WDR49: variants seen among roughly 807,000 people sequenced by gnomAD.
The protein encoded by WDR49 is WD repeat domain 49.
A neutral mutation model predicts 119.5 loss-of-function variants in WDR49; 107 were observed. The ratio of observed to expected loss-of-function variants is 0.90; its 90% CI spans 0.77 to 1.05. The LOEUF (loss-of-function observed/expected upper bound fraction) is 1.05, where lower values mean the gene tolerates loss of function less well. Ranked by LOEUF, WDR49 falls within the 50% of genes least tolerant of loss-of-function variation. WDR49 has a pLI of 0.00. For synonymous variants in WDR49, 425 were observed against 418.8 expected (o/e 1.01, Z -0.18); for missense variants, 1,240 against 1,220.5 (o/e 1.02, Z -0.24).
chr3:167,479,751 A>G (rs1750627883), intron 18 of WDR49, among the ~76,000 whole-genome samples: 1 of 152,206 alleles, frequency 6.6e-6, no homozygotes, highest in Admixed American at 6.5e-5. Flanking sequence ...ACTGTGTATA[A>G]ACATGTAAAA....
chr3:167,545,190 A>G (rs1234638807), intron 10 of WDR49, among the ~76,000 whole-genome samples: 1 of 151,700 alleles, frequency 6.6e-6, no homozygotes, highest in African/African-American at 2.4e-5. Context: ...CAAAAAGCAA[A>G]ATATAATACA....
At chr3:167,636,357 G>GTA (rs112759418) in intron 2 of WDR49, among the ~76,000 whole-genome samples, 1,999 of 150,954 alleles carry the variant, frequency 0.013, 44 homozygotes, top group East Asian at 0.097. Flanking sequence ...GTATATACAT[G>GTA]TATATATATA....
At chr3:167,619,352 T>G (rs1432199201) in intron 5 of WDR49, among the ~76,000 whole-genome samples, 4 of 152,152 alleles carry the variant, frequency 2.6e-5, no homozygotes, top group Non-Finnish European at 5.9e-5. Flanking sequence ...AACACATAAT[T>G]TTGTGCCTGT....
chr3:167,627,811 AT>A (rs1381125395), intron 2 of WDR49, among the ~76,000 whole-genome samples: 2 of 152,034 alleles, frequency 1.3e-5, no homozygotes, highest in East Asian at 3.9e-4. Flanking sequence ...TAGTACAGGC[AT>A]ATCTCCTTTT....
intron 10 of WDR49, among the ~76,000 whole-genome samples, chr3:167,538,297 A>G (rs1257537879): frequency 6.6e-6 from 1 of 152,094 alleles, no homozygotes; most frequent in African/African-American, 2.4e-5. Context: ...TCTTCCCTCC[A>G]TACCAGCCCT....
At chr3:167,654,344 C>CA (rs1303171042), upstream of WDR49, among the ~76,000 whole-genome samples, 3 of 151,790 alleles carry the variant, frequency 2.0e-5, no homozygotes, top group East Asian at 5.8e-4. Context: ...AGAGATGGTT[C>CA]AAAAAAGCTT....
rs184516515 is a variant in WDR49 at position 167,603,764 on chromosome 3, T to C, written c.1126+537A>G. On this transcript the variant is annotated intron_variant, in intron 6 of 18. Transcript: ENST00000682715. Reference sequence around the variant, plus strand: ...TTCCTCAGTTAAAATAAACTTTTTTTACATCAAAAGAACTCTCCTCTAGTA... The same window carrying C: ...TTCCTCAGTTAAAATAAACTTTTTTCACATCAAAAGAACTCTCCTCTAGTA... 2.3e-3 allele frequency among the ~76,000 whole-genome samples: 354 copies of C among 152,288 alleles called. 1 individual carries two copies. Among genetic ancestry groups the C allele is most frequent in the African/African-American group, 7.9e-3 (329 of 41,576 alleles).
chr3:167,623,912 CA>C (rs1716987038), intron 3 of WDR49, among the ~76,000 whole-genome samples: 1 of 151,724 alleles, frequency 6.6e-6, no homozygotes, highest in South Asian at 2.1e-4. Context: ...ATACAATGAA[CA>C]GTCTGAAAAT....
chr3:167,554,580 A>T, intron 10 of WDR49, 70 bp downstream of exon 10: 1 of 1,003,822 alleles, frequency 1.0e-6, no homozygotes, highest in Non-Finnish European at 1.4e-6. Flanking sequence ...AATGACACAG[A>T]GTCAACCAAG....
chr3:167,493,917 A>G (rs1339401215), intron 18 of WDR49, among the ~76,000 whole-genome samples: 1 of 152,262 alleles, frequency 6.6e-6, no homozygotes, highest in East Asian at 1.9e-4. Flanking sequence ...TCTCTAAATG[A>G]TAGTCTTTTT....
chr3:167,597,026 A>T (rs1326540563), intron 7 of WDR49, among the ~76,000 whole-genome samples: 2 of 151,928 alleles, frequency 1.3e-5, no homozygotes, highest in Admixed American at 6.5e-5. Context: ...TACATAAGTA[A>T]CAAGGAGCCA....
chr3:167,637,652 C>A (rs1188669439), intron 2 of WDR49, among the ~76,000 whole-genome samples: 1 of 151,558 alleles, frequency 6.6e-6, no homozygotes, highest in Non-Finnish European at 1.5e-5. Context: ...ATTTGTTTGT[C>A]ATCTATGATT....
intron 15 of WDR49, among the ~76,000 whole-genome samples, chr3:167,527,277 G>C (rs1752670126): frequency 6.6e-6 from 1 of 152,114 alleles, no homozygotes; most frequent in Non-Finnish European, 1.5e-5. Flanking sequence ...CTCCTGAGTT[G>C]AGCAATTGTG....
intron 5 of WDR49, among the ~76,000 whole-genome samples, chr3:167,619,372 C>T (rs1186417822): frequency 5.3e-5 from 8 of 152,044 alleles, no homozygotes; most frequent in Non-Finnish European, 1.0e-4. Context: ...TCACACTTAG[C>T]AGATGACCAA....
intron 10 of WDR49, among the ~76,000 whole-genome samples, chr3:167,543,450 G>A (rs1711965946): frequency 6.6e-6 from 1 of 152,070 alleles, no homozygotes; most frequent in Non-Finnish European, 1.5e-5. Context: ...ACATGATCAA[G>A]TGGGTTTCAT....
At position 167,543,144 on chromosome 3, in the gene WDR49, T is replaced by TA. The variant is rs1027113819; in HGVS notation, c.1824-6145dup. 1.1e-3 allele frequency among the ~76,000 whole-genome samples: 161 copies of TA among 147,126 alleles called. 1 individual carries two copies. The highest frequency in any genetic ancestry group is 1.7e-3 in the African/African-American group (70 of 40,298). ...AATAACAAGTAGTGAGATTAAGTAA[T>TA]AAAAAAAAAATGCCAACAAAAAAAG... On this transcript the variant is annotated intron_variant, in intron 10 of 18. Coordinates refer to ENST00000682715, the MANE Select transcript of WDR49 (RefSeq NM_001366157.1).
chr3:167,500,089 T>C, intron 18 of WDR49, 64 bp downstream of exon 18: 1 of 1,457,212 alleles, frequency 6.9e-7, no homozygotes, highest in East Asian at 2.5e-5. Context: ...TCTTCTACTC[T>C]ATTTTTAAAT....
At chr3:167,641,390 AAAGATAAGATGAAGAT>A (rs1356845697) in intron 2 of WDR49, among the ~76,000 whole-genome samples, 1 of 151,922 alleles carries the variant, frequency 6.6e-6, no homozygotes. Context: ...GTACTTACAG[AAAGATAAGATGAAGAT>A]AAGATAAGAT....
rs1577239983 is a variant in WDR49, at chr3:167,559,935, C to G, written c.1674+129G>C. On this transcript the variant is annotated intron_variant, in intron 9 of 18. Transcript: ENST00000682715. ...ATTAGATGGTTGGAGTTATTTCACT[C>G]TTACCATGTCTCATTTCTCTTCTTG... 6 of 939,916 alleles carry G rather than the reference C, an allele frequency of 6.4e-6. No individual in the cohort carries two copies. The East Asian group carries it at 1.6e-4, about 25-fold the overall frequency. 58.2% of individuals were successfully genotyped at this position (939,916 alleles called of 1,614,324 possible).
Sources: gnomAD v4.1 joint callset for allele counts (sites outside exome capture counted in the v4.1 genomes callset) on GRCh38, gnomAD v4.1.1 for gene constraint, MANE v1.5 for transcripts, NCBI Gene and HGNC (gene_info 2026-07-23, HGNC 2026-07-21) for gene names.